TXN: variants seen among roughly 807,000 people sequenced by gnomAD.
The protein encoded by TXN is ADF.
TXN carries 10 observed loss-of-function variants against 16.5 expected under a neutral mutation model. The observed-to-expected ratio is 0.61, with a 90% confidence interval of 0.37 to 1.03. The LOEUF (loss-of-function observed/expected upper bound fraction) is 1.03. TXN is among the 50% of genes least tolerant of loss of function. TXN has a pLI of 0.01. For synonymous variants in TXN, 35 were observed against 39.4 expected (o/e 0.89, Z 0.42); for missense variants, 71 against 122.5 (o/e 0.58, Z 1.98).
intron 3 of TXN, among the ~76,000 whole-genome samples, chr9:110,249,586 G>C (rs1252912214): frequency 6.6e-6 from 1 of 152,168 alleles, no homozygotes; most frequent in African/African-American, 2.4e-5. Flanking sequence ...TCATGACAAG[G>C]AGTTAGTCAG....
chr9:110,244,983 A>G lies in TXN; in HGVS notation c.190-140T>C, dbSNP rs141298704. 15 of 557,416 alleles carry G rather than the reference A, an allele frequency of 2.7e-5. No homozygotes were observed. The Admixed American group carries it at 4.3e-4, about 16-fold the overall frequency. The allele number at this position is 557,416 out of a possible 1,614,324, so 34.5% of individuals were successfully genotyped here. ...CATGAGGACATTTTTCAGCATATGA[A>G]AATTAATATAATGAATATAATGGCA... On this transcript the variant is annotated intron_variant, in intron 3 of 4. Transcript: ENST00000374517.
chr9:110,245,637 TATATATATATA>T (rs1564367394), intron 3 of TXN, among the ~76,000 whole-genome samples: 6 of 28,240 alleles, frequency 2.1e-4, no homozygotes, highest in African/African-American at 5.0e-4. Context: ...TATATATATA[TATATATATATA>T]TATATATTTT....
rs901182941 is a variant in TXN, at chr9:110,246,515, G to A, written c.190-1672C>T. Among the ~76,000 whole-genome samples, 3 of 152,258 alleles carry A rather than the reference G, an allele frequency of 2.0e-5. No individual in the cohort carries two copies. The South Asian group carries it at 6.2e-4, about 32-fold the overall frequency. On this transcript the variant is annotated intron_variant, in intron 3 of 4. Coordinates refer to ENST00000374517, the MANE Select transcript of TXN (RefSeq NM_003329.4). ...AATGTCAGCCAGGCACTCAAAAGAGGACTGGGAAAGAAATATAGAACCACT... is the reference window on the plus strand; with the variant it reads ...AATGTCAGCCAGGCACTCAAAAGAGAACTGGGAAAGAAATATAGAACCACT...
chr9:110,249,508 TATA>T (rs1204987663), intron 3 of TXN, among the ~76,000 whole-genome samples: 1 of 152,034 alleles, frequency 6.6e-6, no homozygotes, highest in Non-Finnish European at 1.5e-5. Flanking sequence ...TAAAGATCAT[TATA>T]ATAATTGCCA....
At chr9:110,245,654 A>ATATATATATAAT (rs1232332404) in intron 3 of TXN, among the ~76,000 whole-genome samples, 1 of 21,772 alleles carries the variant, frequency 4.6e-5, no homozygotes, top group Non-Finnish European at 7.5e-5. Context: ...ATATATATAT[A>ATATATATATAAT]TTTTTTTTTT....
chr9:110,244,687 A>G lies in TXN; in HGVS notation c.255+91T>C, dbSNP rs1837624599. 5.1e-6 allele frequency: 6 copies of G among 1,171,614 alleles called. 1 individual carries two copies. The highest frequency in any genetic ancestry group is 2.6e-5 in the South Asian group (2 of 76,374). 72.6% of individuals were successfully genotyped at this position (1,171,614 alleles called of 1,614,324 possible). A position where few individuals can be genotyped will look rare whatever the true frequency, so the allele number is the denominator to read the frequency against. On this transcript the variant is annotated intron_variant, in intron 4 of 4. Transcript: ENST00000374517. ...AAGCAGAACTTGGTGATATGCCTCA[A>G]TCTTTAAAGGGAACATCACTCCAGT... is the stretch of plus-strand genomic sequence containing the variant.
rs1837724777 is a variant in TXN, at chr9:110,250,874, G to A, written c.135C>T (p.Leu45=). ...CKMIKPFFHS[L]SEKYSNVIFL... Reference sequence around the variant, plus strand: ...ATATCACGTTGGAATACTTTTCAGAGAGGGACTGGAAAATTTAAAATGAAA... The same window carrying A: ...ATATCACGTTGGAATACTTTTCAGAAAGGGACTGGAAAATTTAAAATGAAA... Residue 45 remains leucine, a synonymous_variant, in exon 3 of 5, where the codon CTC becomes CTT. Coordinates refer to ENST00000374517, the MANE Select transcript of TXN (RefSeq NM_003329.4). 1 of 1,609,980 alleles carries A rather than the reference G, an allele frequency of 6.2e-7. No individual in the cohort carries two copies. Among genetic ancestry groups the A allele is most frequent in the African/African-American group, 1.3e-5 (1 of 74,746 alleles).
intron 3 of TXN, among the ~76,000 whole-genome samples, chr9:110,245,618 C>CACACTATA (rs1425530609): frequency 3.2e-5 from 1 of 30,890 alleles, no homozygotes; most frequent in African/African-American, 1.4e-4. Context: ...CACACACACA[C>CACACTATA]TATATATATA....
chr9:110,244,967 A>G, intron 3 of TXN, 124 bp from the exon 4 acceptor site: 1 of 613,380 alleles, frequency 1.6e-6, no homozygotes, highest in South Asian at 2.1e-5. Flanking sequence ...GCATGAGGAC[A>G]TTTTTCAGCA....
intron 3 of TXN, 114 bp from the exon 4 acceptor site, chr9:110,244,957 G>GC (rs565654800): frequency 1.0e-5 from 7 of 688,198 alleles, no homozygotes; most frequent in Non-Finnish European, 1.8e-5. Context: ...CCACATTTCC[G>GC]CATGAGGACA....
Position 110,250,816 on chromosome 9 carries a change from A to T in TXN, c.189+4T>A, listed in dbSNP as rs547279026. 5 of 1,607,930 alleles carry T rather than the reference A, an allele frequency of 3.1e-6. No homozygotes were observed. In the South Asian group the frequency reaches 4.4e-5, roughly 14 times the overall value. ...AGCAGTATCTCATATTTCCAGCTACATACCTGACAGTCATCCACATCTACT... is the reference window on the plus strand; with the variant it reads ...AGCAGTATCTCATATTTCCAGCTACTTACCTGACAGTCATCCACATCTACT... On this transcript the variant is annotated splice_donor_region_variant and intron_variant, in intron 3 of 4. Coordinates refer to ENST00000374517, the MANE Select transcript of TXN (RefSeq NM_003329.4).
intron 3 of TXN, among the ~76,000 whole-genome samples, 170 bp downstream of exon 3, chr9:110,250,650 G>A (rs1238916100): frequency 2.6e-5 from 4 of 152,180 alleles, no homozygotes; most frequent in African/African-American, 7.2e-5. Flanking sequence ...TACAGCTCCC[G>A]ATAGCTAGGA....
chr9:110,245,322 G>A (rs907053871), intron 3 of TXN, among the ~76,000 whole-genome samples: 2 of 151,492 alleles, frequency 1.3e-5, no homozygotes, highest in South Asian at 4.2e-4. Context: ...ATTATATAAA[G>A]GCTAAAAAGT....
At chr9:110,246,244 C>T (rs553095486) in intron 3 of TXN, among the ~76,000 whole-genome samples, 1 of 152,276 alleles carries the variant, frequency 6.6e-6, no homozygotes, top group African/African-American at 2.4e-5. Context: ...TCGACAAATT[C>T]CTAACATCGC....
chr9:110,245,834 G>T (rs1837651943), intron 3 of TXN, among the ~76,000 whole-genome samples: 1 of 150,814 alleles, frequency 6.6e-6, no homozygotes. Context: ...TGAGGCCAAG[G>T]CCGGTGGGTC....
rs1438356571 is a variant in TXN at position 110,250,784 on chromosome 9, A to G, written c.189+36T>C. ...AATTCAGAGAAAAAGGCCAATGTGAAAAGCTCAGCAGTATCTCATATTTCC... is the reference window on the plus strand; with the variant it reads ...AATTCAGAGAAAAAGGCCAATGTGAGAAGCTCAGCAGTATCTCATATTTCC... On this transcript the variant is annotated intron_variant, in intron 3 of 4. Coordinates refer to ENST00000374517, the MANE Select transcript of TXN (RefSeq NM_003329.4). The G allele has an allele frequency of 2.0e-6, 3 of 1,514,158 alleles. No homozygotes were observed. The East Asian group carries it at 6.8e-5, about 34-fold the overall frequency. The allele number at this position is 1,514,158 out of a possible 1,614,324, so 93.8% of individuals were successfully genotyped here.
intron 3 of TXN, among the ~76,000 whole-genome samples, chr9:110,245,384 G>A (rs1011601873): frequency 6.6e-6 from 1 of 151,094 alleles, no homozygotes; most frequent in Non-Finnish European, 1.5e-5. Flanking sequence ...TAATCTAAAG[G>A]AATAACCCCA....
At chr9:110,251,265 C>G in intron 2 of TXN, 93 bp downstream of exon 2, 2 of 985,864 alleles carry the variant, frequency 2.0e-6, no homozygotes, top group East Asian at 4.9e-5. Flanking sequence ...CCACCGAAAC[C>G]AAAATCCTTT....
chr9:110,253,960 ACT>A (rs1250475677), intron 1 of TXN, among the ~76,000 whole-genome samples: 1 of 152,092 alleles, frequency 6.6e-6, no homozygotes, highest in Non-Finnish European at 1.5e-5. Flanking sequence ...CAACATACCT[ACT>A]CTGAGGGTAA....
Sources: allele counts gnomAD v4.1 joint callset (sites outside exome capture counted in the v4.1 genomes callset), GRCh38; gene constraint gnomAD v4.1.1; transcripts MANE v1.5; gene names NCBI Gene and HGNC (gene_info 2026-07-23, HGNC 2026-07-21).